Variants in RYR1 observed in about 807,000 individuals in gnomAD.
RYR1 encodes ryanodine receptor 1.
A neutral mutation model predicts 583.5 loss-of-function variants in RYR1; 342 were observed. That is an observed-to-expected ratio of 0.59 (90% CI 0.54 to 0.64). The LOEUF (loss-of-function observed/expected upper bound fraction) is 0.64, where lower values mean the gene tolerates loss of function less well. Ranked by LOEUF, RYR1 falls within the 30% of genes least tolerant of loss-of-function variation. RYR1 has a pLI of 0.00. For missense variants in RYR1, 6,032 were observed against 6,917.2 expected (o/e 0.87, Z 4.54); for synonymous variants, 2,791 against 2,822.5 (o/e 0.99, Z 0.35).
chr19:38,523,417 C>T (rs1971311948), intron 69 of RYR1, 108 bp downstream of exon 69: 2 of 1,282,728 alleles, frequency 1.6e-6, no homozygotes, highest in South Asian at 2.4e-5. Flanking sequence ...GGGCGCAATC[C>T]CTGCAGTCCT....
At chr19:38,570,776 G>GAGGAACCCTGAAA in intron 94 of RYR1, 83 bp downstream of exon 94, 2 of 1,188,522 alleles carry the variant, frequency 1.7e-6, no homozygotes, top group Non-Finnish European at 2.5e-6. Flanking sequence ...GAATTTCAGG[G>GAGGAACCCTGAAA]TTCCTCCACT....
chr19:38,534,654 A>C, intron 78 of RYR1, 66 bp from the exon 79 acceptor site: 10 of 1,376,680 alleles, frequency 7.3e-6, no homozygotes, highest in South Asian at 6.1e-5. Context: ...AGAAGTGAGA[A>C]TGTGAGGGGG....
chr19:38,561,436 C>T lies in RYR1; in HGVS notation c.12606C>T (p.Ala4202=), dbSNP rs1201506788. The part of the protein sequence containing the change: ...IYFEISETNR[A]QWEMPQVKES... ...TCGAGATCTCAGAGACCAACCGCGC[C>T]CAGTGGGAGATGCCCCAGGTCAGGG... The change falls in exon 90 of 106, where the codon GCC becomes GCT. Residue 4202 remains alanine, a synonymous_variant. Transcript: ENST00000359596. This position sits in a 1 kb window ranked among gnomAD's most constrained non-coding sequence, Gnocchi z 4.8. The T allele has an allele frequency of 6.2e-7, 1 of 1,609,240 alleles. No individual in the cohort carries two copies. Among genetic ancestry groups the T allele is most frequent in the Non-Finnish European group, 8.5e-7 (1 of 1,179,018 alleles).
At chr19:38,538,942 C>CTCAA (rs1319398023) in intron 84 of RYR1, among the ~76,000 whole-genome samples, 1 of 152,188 alleles carries the variant, frequency 6.6e-6, no homozygotes, top group Non-Finnish European at 1.5e-5. Context: ...CATGTACAGT[C>CTCAA]TCAAGATTGT....
chr19:38,558,359 T>G (rs1368828821), intron 89 of RYR1, among the ~76,000 whole-genome samples: 3 of 152,116 alleles, frequency 2.0e-5, no homozygotes, highest in Non-Finnish European at 4.4e-5. Flanking sequence ...AAGTAGACTG[T>G]AACACAAAGA....
In RYR1 at chr19:38,564,991, C is replaced by T. The variant is rs770604994; in HGVS notation, c.12657C>T (p.Asp4219=). Reference sequence around the variant, plus strand: ...AGTCCAAGCGCCAGTTCATCTTCGACGTGGTGAACGAGGGCGGCGAGGCTG... The same window carrying T: ...AGTCCAAGCGCCAGTTCATCTTCGATGTGGTGAACGAGGGCGGCGAGGCTG... ...VKESKRQFIF[D]VVNEGGEAEK... Residue 4219 remains aspartate, a synonymous_variant, in exon 91 of 106, where the codon GAC becomes GAT. Transcript: ENST00000359596. 6 of 1,592,088 alleles carry T rather than the reference C, an allele frequency of 3.8e-6. No individual in the cohort carries two copies. Among genetic ancestry groups the T allele is most frequent in the Admixed American group, 1.8e-5 (1 of 56,906 alleles).
Position 38,570,641 on chromosome 19 carries a change from T to G in RYR1, c.13694T>G (p.Phe4565Cys), listed in dbSNP as rs764410690. 6.2e-7 allele frequency: 1 copy of G among 1,614,112 alleles called. No homozygotes were observed. The highest frequency in any genetic ancestry group is 8.5e-7 in the Non-Finnish European group (1 of 1,179,998). ...TCCCGGAACTTTTACACCCTGCGGTTCCTTGCCCTCTTCTTGGCATTTGCC... is the reference window on the plus strand; with the variant it reads ...TCCCGGAACTTTTACACCCTGCGGTGCCTTGCCCTCTTCTTGGCATTTGCC... The part of the protein sequence containing the change: ...YLSRNFYTLR[F>C]LALFLAFAIN... The change falls in exon 94 of 106, where the codon TTC becomes TGC. Residue 4565 changes from phenylalanine (F) to cysteine (C), a missense_variant. By Grantham distance (205) the Phe-to-Cys change is radical. Transcript: ENST00000359596.
chr19:38,453,153 A>G, intron 13 of RYR1, 139 bp downstream of exon 13: 2 of 707,582 alleles, frequency 2.8e-6, no homozygotes, highest in Non-Finnish European at 4.3e-6. Context: ...GGGCAGGAGA[A>G]GGAGCCGGAC....
In RYR1 at chr19:38,496,652, C is replaced by A; in HGVS notation, c.6796+111C>A. ...TCATTCAACAAACACTCCCTCTCAA[C>A]TGTGGTTCTGGCCCTGTAATGAGTA... On this transcript the variant is annotated intron_variant, in intron 41 of 105. Coordinates refer to ENST00000359596, the MANE Select transcript of RYR1 (RefSeq NM_000540.3). The surrounding 1 kb of genome is among the most constrained non-coding windows in gnomAD (Gnocchi z 4.8). 7.2e-7 allele frequency: 1 copy of A among 1,392,604 alleles called. No individual in the cohort carries two copies. The allele number at this position is 1,392,604 out of a possible 1,614,324, so 86.3% of individuals were successfully genotyped here.
rs914577406 is a variant in RYR1 at position 38,556,843 on chromosome 19, C to G, written c.12283-4270C>G. On this transcript the variant is annotated intron_variant, in intron 89 of 105. Transcript: ENST00000359596. The stretch of plus-strand genomic sequence containing the variant: ...TGTCATTTCATGTGTTCCTGTGTCC[C>G]CTGGGTTTCCTCCAAAGTGGGACTC... 7.9e-5 allele frequency among the ~76,000 whole-genome samples: 12 copies of G among 152,198 alleles called. No homozygotes were observed. In the South Asian group the frequency reaches 8.3e-4, roughly 11 times the overall value.
intron 1 of RYR1, among the ~76,000 whole-genome samples, chr19:38,436,073 T>C (rs1972414671): frequency 6.6e-6 from 1 of 151,902 alleles, no homozygotes; most frequent in Non-Finnish European, 1.5e-5. Context: ...CAAGCCGAGC[T>C]AATTTTTTGT....
In RYR1 at chr19:38,469,135, G is replaced by T; in HGVS notation, c.3551G>T (p.Gly1184Val). Residue 1184 changes from glycine to valine, a missense_variant, in exon 26 of 106, where the codon GGG becomes GTG. Gly to Val is a moderately radical substitution (Grantham distance 109). Coordinates refer to ENST00000359596, the MANE Select transcript of RYR1 (RefSeq NM_000540.3). ...ACAGCCTTCCGGGAGATTGAGATTG[G>T]GGACGGTGAGGGCTGAGACCCCTTC... ...SETAFREIEI[G>V]DGFLPVCSLG... The T allele has an allele frequency of 1.9e-6, 3 of 1,614,138 alleles. No homozygotes were observed. Among genetic ancestry groups the T allele is most frequent in the Non-Finnish European group, 2.5e-6 (3 of 1,180,040 alleles).
Position 38,463,511 on chromosome 19 carries a change from G to GCTGGACCTA in RYR1, c.2668_2676dup (p.Trp890_Tyr892dup), listed in dbSNP as rs2145433401. The GCTGGACCTA allele has an allele frequency of 6.2e-7, 1 of 1,612,746 alleles. No homozygotes were observed. Among genetic ancestry groups the GCTGGACCTA allele is most frequent in the East Asian group, 2.2e-5 (1 of 44,868 alleles). ...TGGGCGCTAACCCGCATCGAGCAGG[G>GCTGGACCTA]CTGGACCTACGGCCCGGTGAGGGGC... On this transcript the variant is annotated inframe_insertion, in exon 21 of 106. Coordinates refer to ENST00000359596, the MANE Select transcript of RYR1 (RefSeq NM_000540.3).
chr19:38,459,244 T>G lies in RYR1; in HGVS notation c.2266T>G (p.Phe756Val). 1.2e-6 allele frequency: 2 copies of G among 1,614,112 alleles called. No individual in the cohort carries two copies. The highest frequency in any genetic ancestry group is 1.7e-6 in the Non-Finnish European group (2 of 1,179,978). The change falls in exon 19 of 106, where the codon TTC becomes GTC. Residue 756 changes from phenylalanine (F) to valine (V), a missense_variant. Transcript: ENST00000359596. ...GGACCTCAGCGTGCCGTCCATCTCC[T>G]TCCGCATCAACGGCTGCCCCGTGCA... Reference protein sequence around the residue: ...CLDLSVPSISFRINGCPVQGV... With the variant: ...CLDLSVPSISVRINGCPVQGV...
Position 38,512,239 on chromosome 19 carries a change from T to A in RYR1, c.9234-6T>A. 1 of 1,614,158 alleles carries A rather than the reference T, an allele frequency of 6.2e-7. No homozygotes were observed. Among genetic ancestry groups the A allele is most frequent in the Non-Finnish European group, 8.5e-7 (1 of 1,180,014 alleles). ...CAGAGCTGATGTTCCCCCGCTGCCC[T>A]TCTAGGACAGTGATGAAGTCAGGCC... is the stretch of plus-strand genomic sequence containing the variant. On this transcript the variant is annotated splice_region_variant and splice_polypyrimidine_tract_variant and intron_variant, in intron 62 of 105. Transcript: ENST00000359596. The surrounding 1 kb of genome is among the most constrained non-coding windows in gnomAD (Gnocchi z 5.1).
Position 38,499,961 on chromosome 19 carries a change from T to C in RYR1, c.7268T>C (p.Met2423Thr). The change falls in exon 45 of 106, where the codon ATG becomes ACG. Residue 2423 changes from methionine (M) to threonine (T), a missense_variant. By Grantham distance (81) the Met-to-Thr change is moderately conservative (BLOSUM62 -1). This residue lies in a region of RYR1 where 2,627 missense variants were observed against 2,961.3 expected (regional missense o/e 0.89). Coordinates refer to ENST00000359596, the MANE Select transcript of RYR1 (RefSeq NM_000540.3). The surrounding 1 kb of genome is among the most constrained non-coding windows in gnomAD (Gnocchi z 7.3). Reference sequence around the variant, plus strand: ...CGGGTGCACCTGGGACACGCCATCATGTCCTTCTATGCCGCCTTGATCGAC... The same window carrying C: ...CGGGTGCACCTGGGACACGCCATCACGTCCTTCTATGCCGCCTTGATCGAC... Reference protein sequence around the residue: ...ENRVHLGHAIMSFYAALIDLL... With the variant: ...ENRVHLGHAITSFYAALIDLL... The C allele has an allele frequency of 6.2e-7, 1 of 1,612,324 alleles. No individual in the cohort carries two copies. The highest frequency in any genetic ancestry group is 1.1e-5 in the South Asian group (1 of 90,916).
At chr19:38,477,906 G>T (rs764324548) in intron 30 of RYR1, 36 bp downstream of exon 30, 1 of 1,533,308 alleles carries the variant, frequency 6.5e-7, no homozygotes, top group Non-Finnish European at 8.9e-7. Flanking sequence ...GGTGCAGGGT[G>T]GGGAGGGCAG....
chr19:38,469,996 A>G (rs1192634260), intron 27 of RYR1, among the ~76,000 whole-genome samples: 3 of 152,078 alleles, frequency 2.0e-5, no homozygotes, highest in African/African-American at 7.2e-5. Context: ...CTTGATTCCA[A>G]GAGGTCAAGA....
chr19:38,534,271 A>G (rs1209500845), intron 78 of RYR1, among the ~76,000 whole-genome samples: 1 of 152,058 alleles, frequency 6.6e-6, no homozygotes, highest in East Asian at 1.9e-4. Flanking sequence ...TCGGCCTCCC[A>G]AAGTGCTGGG....
Sources: gnomAD v4.1 joint callset for allele counts (sites outside exome capture counted in the v4.1 genomes callset) on GRCh38, gnomAD v4.1.1 for gene constraint, gnomAD v4.1.1 regional missense constraint, Gnocchi (gnomAD v3.1) non-coding constraint, MANE v1.5 for transcripts, NCBI Gene and HGNC (gene_info 2026-07-23, HGNC 2026-07-21) for gene names.